Variants in EMSY observed in about 807,000 individuals in gnomAD.
EMSY encodes the protein BRCA2-interacting transcriptional repressor EMSY.
In EMSY, 26 loss-of-function variants were observed where a neutral mutation model predicts 134.6. That is an observed-to-expected ratio of 0.19 (90% confidence interval 0.14 to 0.27). EMSY has a LOEUF of 0.27. Ranked by LOEUF, EMSY falls within the 10% of genes least tolerant of loss-of-function variation. The probability of loss-of-function intolerance (pLI) is 1.00; values close to 1 mark genes in which losing one functional copy is unlikely to be tolerated. For missense variants in EMSY, 1,305 were observed against 1,611.4 expected, an observed-to-expected ratio of 0.81 and a Z score of 3.26; for synonymous variants, 579 against 577.8, an observed-to-expected ratio of 1.00 and a Z score of -0.03.
chr11:76,545,868 A>G (rs2136812834), exon 20 of EMSY: 1 of 1,614,178 alleles, frequency 6.2e-7, no homozygotes, highest in Non-Finnish European at 8.5e-7. Context: ...AGCCTCCCAC[A>G]GTTACAAAGA....
At chr11:76,499,469 A>G (rs1949776674) in intron 9 of EMSY, among the ~76,000 whole-genome samples, 1 of 150,980 alleles carries the variant, frequency 6.6e-6, no homozygotes, top group African/African-American at 2.4e-5. Context: ...TTGTATTTTT[A>G]GTAGAGACGG....
At chr11:76,551,489 A>G (rs1591046394) in exon 21 of EMSY, 1 of 152,684 alleles carries the variant, frequency 6.5e-6, no homozygotes, top group East Asian at 1.9e-4. Flanking sequence ...TTTTGCATCT[A>G]CATCTGGGGG....
At chr11:76,524,205 CAT>C (rs1246409521) in intron 12 of EMSY, among the ~76,000 whole-genome samples, 1 of 152,162 alleles carries the variant, frequency 6.6e-6, no homozygotes, top group East Asian at 1.9e-4. Context: ...TTAATTTCCT[CAT>C]GTGTACATTG....
Position 76,522,352 on chromosome 11 carries a change from CTTTTTTTTTTTTTT to C in EMSY, c.1685-786_1685-773del, listed in dbSNP as rs71040003. Among the ~76,000 whole-genome samples, 85 of 44,258 alleles carry C rather than the reference CTTTTTTTTTTTTTT, an allele frequency of 1.9e-3. 1 individual carries two copies. Among genetic ancestry groups the C allele is most frequent in the African/African-American group, 4.8e-3 (51 of 10,638 alleles). The allele number at this position is 44,258 out of a possible 152,430, so 29.0% of individuals were successfully genotyped here. On this transcript the variant is annotated intron_variant, in intron 11 of 20. Coordinates refer to ENST00000334736, the Ensembl canonical transcript of EMSY. ...CTTGTTTTGTATATCGTTTACTTTG[CTTTTTTTTTTTTTT>C]TTTTTTTTTTTTTTTTCTTGAGATC...
chr11:76,526,557 AG>A lies in EMSY; in HGVS notation c.1919del (p.Gly640GlufsTer2). 1 of 1,613,888 alleles carries A rather than the reference AG, an allele frequency of 6.2e-7. No homozygotes were observed. The highest frequency in any genetic ancestry group is 8.5e-7 in the Non-Finnish European group (1 of 1,179,810). On this transcript the variant is annotated frameshift_variant, in exon 13 of 21. Transcript: ENST00000334736. LOFTEE classifies it high-confidence loss of function. ...CCAAAATGATTGTAACGCAGCCAAAAGGAATAGGTTCTACAGTTCAACCAGC... is the reference window on the plus strand; with the variant it reads ...CCAAAATGATTGTAACGCAGCCAAAAGAATAGGTTCTACAGTTCAACCAGC...
chr11:76,490,039 G>T (rs1013012789), intron 8 of EMSY, among the ~76,000 whole-genome samples: 1 of 152,090 alleles, frequency 6.6e-6, no homozygotes, highest in South Asian at 2.1e-4. Flanking sequence ...TAATTGGAAG[G>T]TGTAGTCCAT....
intron 9 of EMSY, among the ~76,000 whole-genome samples, chr11:76,502,635 C>A (rs1156612937): frequency 3.3e-5 from 5 of 151,270 alleles, no homozygotes; most frequent in African/African-American, 7.3e-5. Flanking sequence ...AAAGTCAACA[C>A]ACAAAAATCT....
chr11:76,474,785 A>G (rs1420382243), intron 8 of EMSY, among the ~76,000 whole-genome samples: 3 of 152,162 alleles, frequency 2.0e-5, no homozygotes, highest in Non-Finnish European at 4.4e-5. Context: ...ATTTTTTGAG[A>G]TAGAGTCTCC....
At chr11:76,459,770 AG>A (rs773259721) in intron 5 of EMSY, 162 bp from the exon 7 acceptor site, 135 of 608,840 alleles carry the variant, frequency 2.2e-4, no homozygotes, top group Middle Eastern at 7.1e-4. Context: ...TTTTCAGGAA[AG>A]GTTATTAATG....
At chr11:76,547,912 G>A (rs1477260359) in intron 20 of EMSY, among the ~76,000 whole-genome samples, 1 of 152,164 alleles carries the variant, frequency 6.6e-6, no homozygotes, top group African/African-American at 2.4e-5. Context: ...CTATGTCAGA[G>A]GTAAGGACAG....
intron 15 of EMSY, among the ~76,000 whole-genome samples, chr11:76,537,059 G>A (rs1951249899): frequency 2.0e-5 from 3 of 152,026 alleles, no homozygotes; most frequent in South Asian, 2.1e-4. Context: ...TCCTTCTGTC[G>A]GTGTTATTTT....
chr11:76,546,300 A>G lies in EMSY; in HGVS notation c.3774+3A>G. 13 of 1,599,886 alleles carry G rather than the reference A, an allele frequency of 8.1e-6. No homozygotes were observed. The highest frequency in any genetic ancestry group is 1.1e-5 in the Non-Finnish European group (13 of 1,173,482). ...GTCCAGCAGAAATTATCATCCAGGTAAGAATTGGAAGGAAAATGAGAAATC... is the reference window on the plus strand; with the variant it reads ...GTCCAGCAGAAATTATCATCCAGGTGAGAATTGGAAGGAAAATGAGAAATC... On this transcript the variant is annotated splice_donor_region_variant and intron_variant, in intron 20 of 20. Coordinates refer to ENST00000334736, the Ensembl canonical transcript of EMSY.
intron 8 of EMSY, among the ~76,000 whole-genome samples, chr11:76,474,185 TAC>T (rs1025216808): frequency 2.0e-5 from 3 of 151,474 alleles, no homozygotes; most frequent in African/African-American, 7.3e-5. Flanking sequence ...AGTTTCTTAA[TAC>T]CTTTGTGTTC....
intron 9 of EMSY, among the ~76,000 whole-genome samples, chr11:76,500,020 T>G (rs1949798994): frequency 6.7e-6 from 1 of 149,380 alleles, no homozygotes; most frequent in African/African-American, 2.5e-5. Context: ...GAGGTTGCAG[T>G]GAGCTATGAT....
Position 76,503,300 on chromosome 11 carries a change from C to CAAA in EMSY, c.1363+6852_1363+6854dup, listed in dbSNP as rs61098325. ...TGGGTGACAGAGCAAGGCGTGGTCT[C>CAAA]AAAAAAAAAAAAAAAAAAAAAAAGA... On this transcript the variant is annotated intron_variant, in intron 9 of 20. Coordinates refer to ENST00000334736, the Ensembl canonical transcript of EMSY. 6.1e-3 allele frequency among the ~76,000 whole-genome samples: 424 copies of CAAA among 69,648 alleles called. 6 individuals are homozygous for CAAA. Among genetic ancestry groups the CAAA allele is most frequent in the Non-Finnish European group, 7.4e-3 (279 of 37,928 alleles). 45.7% of individuals were successfully genotyped at this position (69,648 alleles called of 152,430 possible).
chr11:76,497,808 C>G (rs569191092), intron 9 of EMSY, among the ~76,000 whole-genome samples: 5 of 151,558 alleles, frequency 3.3e-5, no homozygotes, highest in Non-Finnish European at 4.4e-5. Flanking sequence ...TTGATTTTTC[C>G]TTTGCTTTTC....
chr11:76,505,234 A>G (rs548289606), intron 9 of EMSY, among the ~76,000 whole-genome samples: 369 of 152,224 alleles, frequency 2.4e-3, no homozygotes, highest in African/African-American at 8.7e-3. Context: ...CTGTAATCCC[A>G]GCACTTTGGG....
At chr11:76,492,343 G>A (rs969024610) in intron 8 of EMSY, among the ~76,000 whole-genome samples, 1 of 152,104 alleles carries the variant, frequency 6.6e-6, no homozygotes, top group African/African-American at 2.4e-5. Flanking sequence ...GCATGGTGGT[G>A]CGTGCCTCTA....
intron 4 of EMSY, 142 bp from the exon 6 acceptor site, chr11:76,458,041 T>C: frequency 1.7e-6 from 1 of 576,162 alleles, no homozygotes; most frequent in Non-Finnish European, 2.8e-6. Flanking sequence ...ATAATTTTGA[T>C]CTTGCTTGCT....
Sources: allele counts gnomAD v4.1 joint callset (sites outside exome capture counted in the v4.1 genomes callset), GRCh38; gene constraint gnomAD v4.1.1; transcripts MANE v1.5; gene names NCBI Gene and HGNC (gene_info 2026-07-23, HGNC 2026-07-21).